MCM7: variants seen among roughly 807,000 people sequenced by gnomAD.
MCM7 encodes the protein minichromosome maintenance complex component 7.
MCM7 carries 95 observed loss-of-function variants against 83.5 expected under a neutral mutation model. The ratio of observed to expected loss-of-function variants is 1.14; its 90% CI spans 0.96 to 1.35. MCM7 has a LOEUF of 1.35. Among genes scored for constraint, MCM7 ranks in the 40% most tolerant of loss-of-function variants. The pLI is 0.00. For synonymous variants in MCM7, 461 were observed against 352.7 expected (o/e 1.31, Z -3.44); for missense variants, 1,087 against 957.4 (o/e 1.14, Z -1.79).
chr7:100,092,840 G>A lies in MCM7; in HGVS notation c.*92C>T. The A allele has an allele frequency of 1.5e-6, 2 of 1,331,242 alleles. No homozygotes were observed. Among genetic ancestry groups the A allele is most frequent in the Non-Finnish European group, 2.1e-6 (2 of 932,862 alleles). 82.5% of individuals were successfully genotyped at this position (1,331,242 alleles called of 1,614,324 possible). A position where few individuals can be genotyped will look rare whatever the true frequency, so the allele number is the denominator to read the frequency against. On this transcript the variant is annotated 3_prime_UTR_variant, in exon 15 of 15. Transcript: ENST00000303887. The stretch of plus-strand genomic sequence containing the variant: ...TAAGTGCAGCATGGGAGAAAGAGGG[G>A]CTCCTCCTTCCCCTCAAAGGCATCA...
chr7:100,099,397 T>C lies in MCM7; in HGVS notation c.283A>G (p.Asn95Asp). ...ATGTAAACGTCCAGGACATCTTTAT[T>C]TACCACCTAAAGGAGAAGAACAAAA... ...LPQYKEREVV[N>D]KDVLDVYIEH... is the part of the protein sequence containing the mutation. Residue 95 changes from asparagine (N) to aspartate (D), a missense_variant, in exon 4 of 15, where the codon AAT becomes GAT. Coordinates refer to ENST00000303887, the MANE Select transcript of MCM7 (RefSeq NM_005916.5). 1.3e-6 allele frequency: 2 copies of C among 1,586,244 alleles called. No individual in the cohort carries two copies. The highest frequency in any genetic ancestry group is 8.6e-7 in the Non-Finnish European group (1 of 1,162,712).
chr7:100,100,880 G>A (rs1306656908), intron 1 of MCM7: 1 of 1,049,882 alleles, frequency 9.5e-7, no homozygotes, highest in East Asian at 7.6e-5. Flanking sequence ...CGCGCGCCTG[G>A]GGAGGGCGCG....
chr7:100,093,570 G>A (rs1795447475), intron 13 of MCM7, 169 bp from the exon 14 acceptor site: 1 of 787,960 alleles, frequency 1.3e-6, no homozygotes, highest in Non-Finnish European at 2.3e-6. Flanking sequence ...GGCCGGCACT[G>A]TCAGACCGAG....
At chr7:100,098,785 A>C in intron 5 of MCM7, 70 bp from the exon 6 acceptor site, 1 of 1,584,684 alleles carries the variant, frequency 6.3e-7, no homozygotes, top group Admixed American at 1.7e-5. Context: ...GGTCCTTTGA[A>C]TCACATTTTC....
Position 100,097,650 on chromosome 7 carries a change from C to A in MCM7, c.1081G>T (p.Gly361Cys), listed in dbSNP as rs202139377. 1.2e-6 allele frequency: 2 copies of A among 1,614,124 alleles called. No individual in the cohort carries two copies. Among genetic ancestry groups the A allele is most frequent in the East Asian group, 2.2e-5 (1 of 44,892 alleles). The part of the protein sequence containing the change: ...KKALLLLLVG[G>C]VDQSPRGMKI... ...ATGCCTCGAGGAGACTGGTCCACAC[C>A]CCCGACTAGCAGGAGCAGCAGTGCC... The change falls in exon 9 of 15, where the codon GGT becomes TGT. Residue 361 changes from glycine (G) to cysteine (C), a missense_variant. Physicochemically the swap from Gly to Cys is radical, Grantham distance 159. Transcript: ENST00000303887.
chr7:100,095,882 T>G lies in MCM7; in HGVS notation c.1487A>C (p.Asn496Thr). 1.2e-6 allele frequency: 2 copies of G among 1,613,518 alleles called. No homozygotes were observed. Among genetic ancestry groups the G allele is most frequent in the South Asian group, 2.2e-5 (2 of 91,068 alleles). ...GTTCTGCTCCAGGCTGCGGCGAGGG[T>G]TGTAGCGCCCGTAGGCAGGGTTGGC... Reference protein sequence around the residue: ...AAANPAYGRYNPRRSLEQNIQ... With the variant: ...AAANPAYGRYTPRRSLEQNIQ... The change falls in exon 11 of 15, where the codon AAC (asparagine) becomes ACC (threonine). Residue 496 changes from asparagine (N) to threonine (T), a missense_variant. Transcript: ENST00000303887.
intron 2 of MCM7, 90 bp from the exon 3 acceptor site, chr7:100,099,843 GCA>G: frequency 1.3e-6 from 2 of 1,551,080 alleles, no homozygotes; most frequent in Non-Finnish European, 1.8e-6. Context: ...TGAGAACTCA[GCA>G]CAGGCTCTGG....
intron 6 of MCM7, 143 bp from the exon 7 acceptor site, chr7:100,098,433 C>T (rs1463918369): frequency 3.6e-5 from 53 of 1,492,198 alleles, no homozygotes; most frequent in Non-Finnish European, 4.5e-5. Context: ...CTTTCCCCTT[C>T]CCAAGGCTCC....
rs1452429704 is a variant in MCM7, at chr7:100,099,621, G to C, written c.244C>G (p.Gln82Glu). The C allele has an allele frequency of 1.9e-6, 3 of 1,614,058 alleles. No homozygotes were observed. Among genetic ancestry groups the C allele is most frequent in the Admixed American group, 1.7e-5 (1 of 60,016 alleles). ...RYAKLFADAV[Q>E]ELLPQYKERE... ...TCCTTGTACTGAGGCAGCAGCTCTT[G>C]TACGGCATCAGCAAAGAGCTTCGCG... The change falls in exon 3 of 15, where the codon CAA becomes GAA. Residue 82 changes from glutamine to glutamate, a missense_variant. Physicochemically the swap from Gln to Glu is conservative, Grantham distance 29. Transcript: ENST00000303887.
Position 100,099,298 on chromosome 7 carries a change from C to G in MCM7, c.382G>C (p.Ala128Pro), listed in dbSNP as rs754291531. 3 of 1,613,982 alleles carry G rather than the reference C, an allele frequency of 1.9e-6. No homozygotes were observed. Among genetic ancestry groups the G allele is most frequent in the Non-Finnish European group, 2.5e-6 (3 of 1,180,018 alleles). The change falls in exon 4 of 15, where the codon GCT (alanine) becomes CCT (proline). Residue 128 changes from alanine to proline, a missense_variant. Ala to Pro is a conservative substitution (Grantham distance 27, BLOSUM62 -1). Coordinates refer to ENST00000303887, the MANE Select transcript of MCM7 (RefSeq NM_005916.5). ...MVRSPQNQYP[A>P]ELMRRFELYF... is the part of the protein sequence containing the mutation. ...ACTCACAATCTGCGCATGAGTTCAG[C>G]AGGGTACTGGTTCTGGGGGCTTCGG...
chr7:100,099,963 G>A (rs1373949683), intron 2 of MCM7, 51 bp downstream of exon 2: 2 of 1,532,576 alleles, frequency 1.3e-6, no homozygotes, highest in Non-Finnish European at 9.0e-7. Context: ...TGCTGCTTAT[G>A]GCTCCTTAAG....
chr7:100,093,428 G>A (rs1795429929), intron 13 of MCM7, 27 bp from the exon 14 acceptor site: 1 of 1,600,250 alleles, frequency 6.2e-7, no homozygotes, highest in Non-Finnish European at 8.6e-7. Context: ...GGGGAAAGAT[G>A]GGAACGGGAG....
At chr7:100,096,560 G>A (rs561444395) in intron 10 of MCM7, among the ~76,000 whole-genome samples, 20 of 152,268 alleles carry the variant, frequency 1.3e-4, no homozygotes, top group Non-Finnish European at 2.9e-4. Flanking sequence ...GGCAGATCAC[G>A]AGGTCAGGAG....
intron 1 of MCM7, chr7:100,100,698 C>T (rs1343620721): frequency 1.4e-5 from 14 of 989,868 alleles, no homozygotes; most frequent in African/African-American, 1.7e-5. Context: ...CAGGCACGCC[C>T]CCCCGGGCCG....
At chr7:100,093,427 T>C (rs555683603) in intron 13 of MCM7, 26 bp from the exon 14 acceptor site, 17 of 1,605,062 alleles carry the variant, frequency 1.1e-5, no homozygotes, top group Middle Eastern at 1.7e-4. Context: ...GGGGGAAAGA[T>C]GGGAACGGGA....
chr7:100,097,694 C>G lies in MCM7; in HGVS notation c.1037G>C (p.Gly346Ala). 1 of 1,614,182 alleles carries G rather than the reference C, an allele frequency of 6.2e-7. No homozygotes were observed. The highest frequency in any genetic ancestry group is 1.7e-5 in the Admixed American group (1 of 60,026). Reference protein sequence around the residue: ...LAASIAPEIYGHEDVKKALLL... With the variant: ...LAASIAPEIYAHEDVKKALLL... ...CAGTGCCTTCTTCACATCTTCATGC[C>G]CGTATATTTCTGGGGCGATTGAAGC... Residue 346 changes from glycine (G) to alanine (A), a missense_variant, in exon 9 of 15, where the codon GGG becomes GCG. By Grantham distance (60) the Gly-to-Ala change is moderately conservative. Transcript: ENST00000303887.
Position 100,093,278 on chromosome 7 carries a change from A to G in MCM7, c.1958+14T>C, listed in dbSNP as rs1795416975. On this transcript the variant is annotated intron_variant, in intron 14 of 14. Transcript: ENST00000303887. Reference sequence around the variant, plus strand: ...ACAAAGTGACACAGCTTTGTCCTTCACTAAACCACTCACCTAGCTGTCTGC... The same window carrying G: ...ACAAAGTGACACAGCTTTGTCCTTCGCTAAACCACTCACCTAGCTGTCTGC... 6.2e-7 allele frequency: 1 copy of G among 1,610,938 alleles called. No individual in the cohort carries two copies. Among genetic ancestry groups the G allele is most frequent in the South Asian group, 1.1e-5 (1 of 91,048 alleles).
Position 100,099,117 on chromosome 7 carries a change from A to G in MCM7, c.488T>C (p.Val163Ala). 2 of 1,614,140 alleles carry G rather than the reference A, an allele frequency of 1.2e-6. No homozygotes were observed. The highest frequency in any genetic ancestry group is 1.7e-6 in the Non-Finnish European group (2 of 1,180,006). The change falls in exon 5 of 15, where the codon GTG becomes GCG. Residue 163 changes from valine (V) to alanine (A), a missense_variant. Val to Ala is a moderately conservative substitution (Grantham distance 64, BLOSUM62 0). Transcript: ENST00000303887. ...AGAGACACGAGTGACGATTCCACGC[A>G]CAGTTACCAACTTCCCCACAGAGTC... is the stretch of plus-strand genomic sequence containing the variant. ...RADSVGKLVTVRGIVTRVSEV... is the reference protein window; with the variant it reads ...RADSVGKLVTARGIVTRVSEV...
Position 100,099,773 on chromosome 7 carries a change from GA to G in MCM7, c.112-21del. On this transcript the variant is annotated intron_variant, in intron 2 of 14. Transcript: ENST00000303887. ...CCGAACCTCAAGTGGGGAAGAGACAGAAACACCTCAGAGCCACATTCACTTT... is the reference window on the plus strand; with the variant it reads ...CCGAACCTCAAGTGGGGAAGAGACAGAACACCTCAGAGCCACATTCACTTT... 6.2e-7 allele frequency: 1 copy of G among 1,612,758 alleles called. No individual in the cohort carries two copies. The highest frequency in any genetic ancestry group is 8.5e-7 in the Non-Finnish European group (1 of 1,179,618).
Sources: allele counts gnomAD v4.1 joint callset (sites outside exome capture counted in the v4.1 genomes callset), GRCh38; gene constraint gnomAD v4.1.1; transcripts MANE v1.5; gene names NCBI Gene and HGNC (gene_info 2026-07-23, HGNC 2026-07-21).